Variants in SCRN1 observed in about 807,000 individuals in gnomAD.
SCRN1 encodes secernin 1, also known as secernin-1.
In SCRN1, 19 loss-of-function variants were observed where a neutral mutation model predicts 43.3. That is an observed-to-expected ratio of 0.44 (90% CI 0.31 to 0.64). The LOEUF is 0.64. Ranked by LOEUF, SCRN1 falls within the 30% of genes least tolerant of loss-of-function variation. The pLI, the probability that SCRN1 is intolerant of heterozygous loss-of-function variation, is 0.09. For synonymous variants in SCRN1, 183 were observed against 188.9 expected, an observed-to-expected ratio of 0.97 and a Z score of 0.26; for missense variants, 447 against 524.1, an observed-to-expected ratio of 0.85 and a Z score of 1.44.
chr7:29,931,003 G>C (rs1354985552), intron 6 of SCRN1, among the ~76,000 whole-genome samples: 3 of 152,188 alleles, frequency 2.0e-5, no homozygotes, highest in African/African-American at 7.2e-5. Flanking sequence ...CCCATGACAC[G>C]ACGCACAGCG....
chr7:29,947,371 T>A, intron 3 of SCRN1: 1 of 1,541,186 alleles, frequency 6.5e-7, no homozygotes. Flanking sequence ...AAAGCCCGTT[T>A]GTTTAGAAAC....
rs892536326 is a variant in SCRN1, at chr7:29,923,545, G to C, written c.*412C>G. On this transcript the variant is annotated 3_prime_UTR_variant, in exon 8 of 8. Coordinates refer to ENST00000242059, the MANE Select transcript of SCRN1 (RefSeq NM_014766.5). The stretch of plus-strand genomic sequence containing the variant: ...ACAAATGCCTCTTGTTAACCTGAAA[G>C]AAACCGCTACTGAGGGAAAGACTAA... 8 of 169,494 alleles carry C rather than the reference G, an allele frequency of 4.7e-5. No homozygotes were observed. Among genetic ancestry groups the C allele is most frequent in the African/African-American group, 1.7e-4 (7 of 41,714 alleles). 10.5% of individuals were successfully genotyped at this position (169,494 alleles called of 1,614,324 possible).
chr7:29,934,012 G>A (rs573570577), intron 6 of SCRN1, among the ~76,000 whole-genome samples: 1 of 152,222 alleles, frequency 6.6e-6, no homozygotes, highest in East Asian at 1.9e-4. Context: ...TATGTTTCTT[G>A]CTGACAAAAG....
At chr7:29,963,742 A>G (rs1165925223) in intron 2 of SCRN1, among the ~76,000 whole-genome samples, 2 of 152,236 alleles carry the variant, frequency 1.3e-5, no homozygotes, top group Non-Finnish European at 1.5e-5. Flanking sequence ...AAGGAGTCCA[A>G]GCATCTACCA....
At chr7:29,988,947 C>A (rs1210425576) in intron 1 of SCRN1, 3 of 152,232 alleles carry the variant, frequency 2.0e-5, no homozygotes, top group Admixed American at 1.3e-4. Context: ...GCCTCAAGAG[C>A]GAGCCGAGGA....
intron 1 of SCRN1, among the ~76,000 whole-genome samples, chr7:29,977,594 T>C (rs1382000296): frequency 6.6e-6 from 1 of 152,228 alleles, no homozygotes; most frequent in South Asian, 2.1e-4. Flanking sequence ...AAGTGTTTCA[T>C]TGAAAGCTCA....
intron 1 of SCRN1, among the ~76,000 whole-genome samples, chr7:29,982,039 G>A (rs1789006668): frequency 6.6e-6 from 1 of 152,174 alleles, no homozygotes; most frequent in South Asian, 2.1e-4. Flanking sequence ...CATAAAGCAA[G>A]CAATACTCTA....
At chr7:29,957,410 C>A (rs187423615) in intron 2 of SCRN1, among the ~76,000 whole-genome samples, 5 of 152,346 alleles carry the variant, frequency 3.3e-5, no homozygotes, top group Admixed American at 1.3e-4. Flanking sequence ...ATCCACCCAG[C>A]CCAGCTCTGC....
intron 7 of SCRN1, among the ~76,000 whole-genome samples, chr7:29,925,853 A>AT (rs1194527991): frequency 3.8e-5 from 5 of 131,586 alleles, no homozygotes; most frequent in African/African-American, 1.5e-4. Context: ...TACTAAAAAT[A>AT]CAAAAAAAAA....
At chr7:29,958,559 A>G (rs542523280) in intron 2 of SCRN1, among the ~76,000 whole-genome samples, 1 of 152,260 alleles carries the variant, frequency 6.6e-6, no homozygotes, top group Non-Finnish European at 1.5e-5. Flanking sequence ...TCAGTGTGGC[A>G]AAAACAATTT....
intron 1 of SCRN1, among the ~76,000 whole-genome samples, chr7:29,981,213 T>C (rs561207111): frequency 6.6e-6 from 1 of 152,212 alleles, no homozygotes; most frequent in South Asian, 2.1e-4. Flanking sequence ...AAGCTTTACC[T>C]TAAGAAAGAG....
intron 2 of SCRN1, among the ~76,000 whole-genome samples, chr7:29,956,804 A>G (rs190685868): frequency 1.6e-4 from 24 of 152,364 alleles, no homozygotes; most frequent in Admixed American, 1.6e-3. Context: ...AATATACTCA[A>G]GATTTTCCCT....
intron 1 of SCRN1, among the ~76,000 whole-genome samples, chr7:29,972,456 G>A (rs1788694733): frequency 6.6e-6 from 1 of 152,178 alleles, no homozygotes; most frequent in Non-Finnish European, 1.5e-5. Context: ...GTTTGGCCAA[G>A]GCACCTGCTT....
At chr7:29,957,465 C>CT (rs1262026163) in intron 2 of SCRN1, among the ~76,000 whole-genome samples, 1 of 152,226 alleles carries the variant, frequency 6.6e-6, no homozygotes, top group East Asian at 1.9e-4. Flanking sequence ...TTCTGAAATA[C>CT]TACAGAACTG....
At chr7:29,990,211 C>G (rs1470350765), upstream of SCRN1, 2 of 1,551,408 alleles carry the variant, frequency 1.3e-6, no homozygotes, top group Non-Finnish European at 1.7e-6. Context: ...AAGTCGAGTC[C>G]CTGGTTTTAA....
At chr7:29,930,711 A>C (rs917538005) in intron 6 of SCRN1, among the ~76,000 whole-genome samples, 6 of 145,228 alleles carry the variant, frequency 4.1e-5, no homozygotes, top group African/African-American at 1.3e-4. Context: ...CAACCTTCAG[A>C]AAAGTCACCA....
rs749625329 is a variant in SCRN1 at position 29,926,553 on chromosome 7, C to G, written c.985G>C (p.Asp329His). ...KTQSPCFGDD[D>H]PAKKEPRFQE... ...AACCGAGGCTCCTTTTTGGCAGGGT[C>G]GTCATCCCCAAAACAGGGAGACTGT... The change falls in exon 7 of 8, where the codon GAC (aspartate) becomes CAC (histidine). Residue 329 changes from aspartate to histidine, a missense_variant. By Grantham distance (81) the Asp-to-His change is moderately conservative. Transcript: ENST00000242059. 1 of 1,614,090 alleles carries G rather than the reference C, an allele frequency of 6.2e-7. No homozygotes were observed. The highest frequency in any genetic ancestry group is 1.1e-5 in the South Asian group (1 of 91,070).
chr7:29,969,836 G>A (rs772023212), intron 1 of SCRN1: 2 of 456,328 alleles, frequency 4.4e-6, no homozygotes, highest in South Asian at 3.1e-5. Context: ...CCAGCTGCCT[G>A]CCTGATATCC....
chr7:29,924,649 G>C (rs1277697167), intron 7 of SCRN1, among the ~76,000 whole-genome samples: 2 of 152,140 alleles, frequency 1.3e-5, no homozygotes, highest in Non-Finnish European at 2.9e-5. Context: ...GTGGCCCCTT[G>C]GATGGGAACT....
Sources: gnomAD v4.1 joint callset for allele counts (sites outside exome capture counted in the v4.1 genomes callset) on GRCh38, gnomAD v4.1.1 for gene constraint, MANE v1.5 for transcripts, NCBI Gene and HGNC (gene_info 2026-07-23, HGNC 2026-07-21) for gene names.